GPR162: variants seen among roughly 807,000 people sequenced by gnomAD.
GPR162 encodes G protein-coupled receptor 162.
In GPR162, 26 loss-of-function variants were observed where a neutral mutation model predicts 44.9. That is an observed-to-expected ratio of 0.58 (90% CI 0.42 to 0.80). The LOEUF (loss-of-function observed/expected upper bound fraction) is 0.80, where lower values mean the gene tolerates loss of function less well. Ranked by LOEUF, GPR162 falls within the 30% of genes least tolerant of loss-of-function variation. The probability of loss-of-function intolerance (pLI) is 0.00; values close to 1 mark genes in which losing one functional copy is unlikely to be tolerated. For synonymous variants in GPR162, 363 were observed against 335.2 expected (o/e 1.08, Z -0.91); for missense variants, 704 against 802.3 (o/e 0.88, Z 1.48).
chr12:6,827,228 A>G lies in GPR162; in HGVS notation c.*24A>G, dbSNP rs782007280. 34 of 1,555,220 alleles carry G rather than the reference A, an allele frequency of 2.2e-5. No homozygotes were observed. Among genetic ancestry groups the G allele is most frequent in the Non-Finnish European group, 3.0e-5 (34 of 1,148,404 alleles). On this transcript the variant is annotated 3_prime_UTR_variant, in exon 5 of 5. Coordinates refer to ENST00000311268, the MANE Select transcript of GPR162 (RefSeq NM_019858.2). ...GAGCCCAAGCAGGCCTGCTGAACTCAGAGGAGAAAGCCTGAGTGAGTAACA... is the reference window on the plus strand; with the variant it reads ...GAGCCCAAGCAGGCCTGCTGAACTCGGAGGAGAAAGCCTGAGTGAGTAACA...
chr12:6,823,251 T>C (rs954015849), intron 1 of GPR162, among the ~76,000 whole-genome samples: 2 of 152,206 alleles, frequency 1.3e-5, no homozygotes, highest in Non-Finnish European at 2.9e-5. Flanking sequence ...GAGGTGGGAA[T>C]ACCTTCTTCC....
Position 6,827,257 on chromosome 12 carries a change from C to G in GPR162, c.*53C>G. Reference sequence around the variant, plus strand: ...GAGAAAGCCTGAGTGAGTAACACCTCATTCTGGCCGAGAGTAGGGCAGCTG... The same window carrying G: ...GAGAAAGCCTGAGTGAGTAACACCTGATTCTGGCCGAGAGTAGGGCAGCTG... On this transcript the variant is annotated 3_prime_UTR_variant, in exon 5 of 5. Transcript: ENST00000311268. 1 of 1,418,686 alleles carries G rather than the reference C, an allele frequency of 7.0e-7. No homozygotes were observed. The highest frequency in any genetic ancestry group is 9.5e-7 in the Non-Finnish European group (1 of 1,053,708). The allele number at this position is 1,418,686 out of a possible 1,614,324, so 87.9% of individuals were successfully genotyped here. A position where few individuals can be genotyped will look rare whatever the true frequency, so the allele number is the denominator to read the frequency against.
Sources: allele counts gnomAD v4.1 joint callset (sites outside exome capture counted in the v4.1 genomes callset), GRCh38; gene constraint gnomAD v4.1.1; transcripts MANE v1.5; gene names NCBI Gene and HGNC (gene_info 2026-07-23, HGNC 2026-07-21).